Variants in COL21A1 observed in about 807,000 individuals in gnomAD.
COL21A1 encodes collagen alpha-1(XXI) chain.
In COL21A1, 149 loss-of-function variants were observed where a neutral mutation model predicts 137.9. The observed-to-expected ratio is 1.08, with a 90% CI of 0.95 to 1.24. The LOEUF is 1.24. Ranked by LOEUF, COL21A1 falls within the 50% of genes most tolerant of loss-of-function variation. COL21A1 has a pLI of 0.00. For synonymous variants in COL21A1, 456 were observed against 391.5 expected, an observed-to-expected ratio of 1.16 and a Z score of -1.95; for missense variants, 1,167 against 1,158.4, an observed-to-expected ratio of 1.01 and a Z score of -0.11.
At chr6:56,223,983 C>T (rs1332980103) in intron 1 of COL21A1, among the ~76,000 whole-genome samples, 1 of 152,062 alleles carries the variant, frequency 6.6e-6, no homozygotes, top group Non-Finnish European at 1.5e-5. Flanking sequence ...GACAGTGTCT[C>T]TCTCCTGGGA....
intron 19 of COL21A1, 32 bp from the exon 20 acceptor site, chr6:56,074,317 C>CTTAG: frequency 7.0e-7 from 1 of 1,437,938 alleles, no homozygotes; most frequent in Non-Finnish European, 9.5e-7. Flanking sequence ...TCAAGAGTAA[C>CTTAG]TTAGAGAAGA....
intron 1 of COL21A1, among the ~76,000 whole-genome samples, chr6:56,307,016 C>A (rs1409377088): frequency 6.6e-6 from 1 of 152,216 alleles, no homozygotes; most frequent in African/African-American, 2.4e-5. Context: ...TGGGTATCAG[C>A]AGCAGAGGCT....
chr6:56,184,791 C>T (rs10440828), intron 1 of COL21A1, among the ~76,000 whole-genome samples: 3,295 of 152,188 alleles, frequency 0.022, 121 homozygotes, highest in African/African-American at 0.075. Flanking sequence ...TGCGGAAATG[C>T]TTTTTATTAA....
intron 1 of COL21A1, among the ~76,000 whole-genome samples, chr6:56,242,094 G>C (rs944871076): frequency 5.9e-5 from 9 of 152,098 alleles, no homozygotes; most frequent in African/African-American, 2.2e-4. Flanking sequence ...TCCATCTTCT[G>C]AGTACTGCTG....
At chr6:56,060,501 T>A (rs1386915848) in intron 27 of COL21A1, 1 of 477,686 alleles carries the variant, frequency 2.1e-6, no homozygotes, top group Admixed American at 4.0e-5. Flanking sequence ...TATCAAAAAA[T>A]ATGCTACAAA....
In COL21A1 at chr6:56,170,793, A is replaced by T. The variant is rs531869048; in HGVS notation, c.882T>A (p.Ile294=). The T allele has an allele frequency of 6.2e-7, 1 of 1,610,100 alleles. No homozygotes were observed. The highest frequency in any genetic ancestry group is 8.5e-7 in the Non-Finnish European group (1 of 1,177,532). The change falls in exon 5 of 30, where the codon ATT becomes ATA. Residue 294 remains isoleucine (I), a synonymous_variant. Transcript: ENST00000244728. ...VSTQRFKVKK[I]WDLWRILTID... ...TAGTTAATATTCTCCATAAATCCCAAATTTTCTTGACTTTAAATCTTTGAG... is the reference window on the plus strand; with the variant it reads ...TAGTTAATATTCTCCATAAATCCCATATTTTCTTGACTTTAAATCTTTGAG...
intron 1 of COL21A1, among the ~76,000 whole-genome samples, chr6:56,278,736 T>A (rs182612912): frequency 6.6e-6 from 1 of 152,204 alleles, no homozygotes; most frequent in African/African-American, 2.4e-5. Flanking sequence ...AATTTCCCCA[T>A]GTCACACCGA....
At position 56,074,276 on chromosome 6, in the gene COL21A1, C is replaced by G; in HGVS notation, c.1921G>C (p.Gly641Arg). The part of the protein sequence containing the change: ...KGAPGMPGLM[G>R]SNGSPGQPGT... Reference sequence around the variant, plus strand: ...GGCTGGCCTGGTGAGCCATTGCTTCCCATTAAACCCTACAATTTTAAAAAG... The same window carrying G: ...GGCTGGCCTGGTGAGCCATTGCTTCGCATTAAACCCTACAATTTTAAAAAG... The change falls in exon 20 of 30, where the codon GGA becomes CGA. Residue 641 changes from glycine to arginine, a missense_variant. Physicochemically the swap from Gly to Arg is moderately radical, Grantham distance 125. Transcript: ENST00000244728. The G allele has an allele frequency of 6.3e-7, 1 of 1,583,630 alleles. No individual in the cohort carries two copies. Among genetic ancestry groups the G allele is most frequent in the Non-Finnish European group, 8.6e-7 (1 of 1,165,234 alleles).
chr6:56,106,699 AT>A (rs530960362), intron 16 of COL21A1, among the ~76,000 whole-genome samples: 9 of 152,252 alleles, frequency 5.9e-5, no homozygotes, highest in Non-Finnish European at 1.2e-4. Flanking sequence ...AAAGAAAAAA[AT>A]AATAAAAACT....
intron 27 of COL21A1, chr6:56,060,426 AG>A: frequency 1.9e-6 from 1 of 524,002 alleles, no homozygotes; most frequent in South Asian, 3.3e-5. Flanking sequence ...TGCTTAAAAT[AG>A]GGGAAAAAGT....
In COL21A1 at chr6:56,264,790, A is replaced by T. The variant is rs148242820; in HGVS notation, c.-38-82134T>A. On this transcript the variant is annotated intron_variant, in intron 1 of 28. Coordinates refer to the COL21A1 transcript ENST00000370819. ...TATCATCTAAACTCCAAGTTCTATAAATGTTATCTTCTAAATATTTCTAAT... is the reference window on the plus strand; with the variant it reads ...TATCATCTAAACTCCAAGTTCTATATATGTTATCTTCTAAATATTTCTAAT... 7.6e-3 allele frequency among the ~76,000 whole-genome samples: 1,154 copies of T among 152,272 alleles called. 19 individuals carry two copies. The highest frequency in any genetic ancestry group is 0.026 in the African/African-American group (1,101 of 41,564).
At chr6:56,276,425 T>C (rs1763655193) in intron 1 of COL21A1, 1 of 579,382 alleles carries the variant, frequency 1.7e-6, no homozygotes, top group Non-Finnish European at 3.0e-6. Context: ...TTGATCTTTT[T>C]TTTTTAAAGT....
rs1271143835 is a variant in COL21A1 at position 56,332,366 on chromosome 6, T to C, written c.-39+61605A>G. Among the ~76,000 whole-genome samples the C allele has an allele frequency of 5.3e-5, 8 of 152,154 alleles. No individual in the cohort carries two copies. In the South Asian group the frequency reaches 1.4e-3, roughly 28 times the overall value. ...TTTTAGAATGCAAATTCTTAGCTGGTAAGGACTATATTAGAGGATCACTAA... is the reference window on the plus strand; with the variant it reads ...TTTTAGAATGCAAATTCTTAGCTGGCAAGGACTATATTAGAGGATCACTAA... On this transcript the variant is annotated intron_variant, in intron 1 of 28. Transcript: ENST00000370819.
intron 1 of COL21A1, among the ~76,000 whole-genome samples, chr6:56,381,315 G>T (rs1448423956): frequency 1.3e-5 from 2 of 152,146 alleles, no homozygotes; most frequent in African/African-American, 4.8e-5. Context: ...AAAAATGAAT[G>T]AGTGGAATAG....
At chr6:56,347,106 A>G (rs1437790905) in intron 1 of COL21A1, among the ~76,000 whole-genome samples, 1 of 152,152 alleles carries the variant, frequency 6.6e-6, no homozygotes, top group Non-Finnish European at 1.5e-5. Context: ...CAAACTGAAG[A>G]ATGATGCGCT....
chr6:56,083,905 T>C (rs1767998953), intron 17 of COL21A1, among the ~76,000 whole-genome samples: 1 of 151,914 alleles, frequency 6.6e-6, no homozygotes, highest in Non-Finnish European at 1.5e-5. Context: ...AATATATCCG[T>C]ATAATATACT....
In COL21A1 at chr6:56,168,939, A is replaced by G. The variant is rs374398455; in HGVS notation, c.1027-642T>C. Among the ~76,000 whole-genome samples the G allele has an allele frequency of 1.6e-4, 25 of 152,134 alleles. 2 individuals carry two copies. The highest frequency in any genetic ancestry group is 6.0e-4 in the African/African-American group (25 of 41,552). On this transcript the variant is annotated intron_variant, in intron 5 of 29. Coordinates refer to ENST00000244728, the MANE Select transcript of COL21A1 (RefSeq NM_030820.4). Reference sequence around the variant, plus strand: ...GTCCTATAATTCTAATACTAGGTAGAATAATTTTTCAGGATGTTTCACAAT... The same window carrying G: ...GTCCTATAATTCTAATACTAGGTAGGATAATTTTTCAGGATGTTTCACAAT...
intron 1 of COL21A1, among the ~76,000 whole-genome samples, chr6:56,370,962 A>G (rs955744149): frequency 3.3e-5 from 5 of 152,234 alleles, no homozygotes; most frequent in Non-Finnish European, 2.9e-5. Flanking sequence ...AGGTTAATAT[A>G]TAATCTTTTT....
At chr6:56,347,517 T>A (rs1261765601) in intron 1 of COL21A1, among the ~76,000 whole-genome samples, 96 of 127,160 alleles carry the variant, frequency 7.5e-4, no homozygotes, top group Admixed American at 2.6e-3. Context: ...AGGAAGCATT[T>A]AAAAAAAAAA....
Sources: gnomAD v4.1 joint callset for allele counts (sites outside exome capture counted in the v4.1 genomes callset) on GRCh38, gnomAD v4.1.1 for gene constraint, MANE v1.5 for transcripts, NCBI Gene and HGNC (gene_info 2026-07-23, HGNC 2026-07-21) for gene names.